The following LAMB4 variants were observed in gnomAD, a reference collection of about 807,000 sequenced individuals.
The protein encoded by LAMB4 is laminin subunit beta 4.
In LAMB4, 196 loss-of-function variants were observed where a neutral mutation model predicts 199.2. That is an observed-to-expected ratio of 0.98 (90% CI 0.88 to 1.11). The LOEUF (loss-of-function observed/expected upper bound fraction) is 1.11, where lower values mean the gene tolerates loss of function less well. Among genes scored for constraint, LAMB4 ranks in the 50% least tolerant of loss-of-function variants. The pLI is 0.00. For missense variants in LAMB4, 2,080 were observed against 2,171.2 expected, an observed-to-expected ratio of 0.96 and a Z score of 0.83; for synonymous variants, 744 against 770.6, an observed-to-expected ratio of 0.97 and a Z score of 0.57.
Position 108,078,240 on chromosome 7 carries a change from T to A in LAMB4, c.1964A>T (p.Gln655Leu), listed in dbSNP as rs2036781687. ...TAAGGCAAAAGACTGAGGCTTTGAC[T>A]GTAGAGTCTTGGGTATGCAGTGCTC... is the stretch of plus-strand genomic sequence containing the variant. ...GSEHCIPKTL[Q>L]SKPQSFALPA... The change falls in exon 16 of 34, where the codon CAG (glutamine) becomes CTG (leucine). Residue 655 changes from glutamine (Q) to leucine (L), a missense_variant. Transcript: ENST00000388781. The A allele has an allele frequency of 1.2e-6, 2 of 1,611,770 alleles. No homozygotes were observed. Among genetic ancestry groups the A allele is most frequent in the Non-Finnish European group, 1.7e-6 (2 of 1,179,094 alleles).
chr7:108,076,895 A>G, intron 17 of LAMB4, 49 bp downstream of exon 17: 1 of 1,596,064 alleles, frequency 6.3e-7, no homozygotes, highest in Non-Finnish European at 8.6e-7. Context: ...AGTAGTTATA[A>G]CGGTGCTTAG....
chr7:108,071,265 C>T (rs2036525532), intron 17 of LAMB4, among the ~76,000 whole-genome samples: 1 of 152,100 alleles, frequency 6.6e-6, no homozygotes, highest in Non-Finnish European at 1.5e-5. Flanking sequence ...GCCTCATCTG[C>T]CATTCACCCT....
chr7:108,081,228 T>C (rs2036924915), intron 14 of LAMB4, among the ~76,000 whole-genome samples: 1 of 152,228 alleles, frequency 6.6e-6, no homozygotes, highest in African/African-American at 2.4e-5. Context: ...TGTGTGTGGC[T>C]GCTGACAGCT....
chr7:108,025,389 T>TTTTCTTTCTTTCTTTC lies in LAMB4; in HGVS notation c.5147-1227_5147-1212dup, dbSNP rs60438956. ...TTCTTTCTTTCTTTCTTTTCTTTTC[T>TTTTCTTTCTTTCTTTC]TTTCTTTCTTTCTTTCTTTCTTTCT... is the stretch of plus-strand genomic sequence containing the variant. On this transcript the variant is annotated intron_variant, in intron 33 of 33. Transcript: ENST00000388781. Among the ~76,000 whole-genome samples, 227 of 91,196 alleles carry TTTTCTTTCTTTCTTTC rather than the reference T, an allele frequency of 2.5e-3. 3 individuals carry two copies. Among genetic ancestry groups the TTTTCTTTCTTTCTTTC allele is most frequent in the South Asian group, 4.7e-3 (18 of 3,806 alleles). The allele number at this position is 91,196 out of a possible 152,430, so 59.8% of individuals were successfully genotyped here.
At chr7:108,012,920 G>A in the LAMB4 span, among the ~76,000 whole-genome samples, 56 of 152,246 alleles carry the variant, frequency 3.7e-4, 1 homozygote, top group East Asian at 4.4e-3. Context: ...TCAACACCCC[G>A]CTCTGATGGC....
rs1464534507 is a variant in LAMB4, at chr7:108,055,504, G to GA, written c.3755+127dup. On this transcript the variant is annotated intron_variant, in intron 25 of 33. Coordinates refer to ENST00000388781, the MANE Select transcript of LAMB4 (RefSeq NM_007356.3). Reference sequence around the variant, plus strand: ...GCCCGGCCCAGCCTGGTTATTAACTGAACAACTATCAGTCCCCTAAAGTCA... The same window carrying GA: ...GCCCGGCCCAGCCTGGTTATTAACTGAAACAACTATCAGTCCCCTAAAGTCA... The GA allele has an allele frequency of 6.8e-6, 7 of 1,025,544 alleles. No individual in the cohort carries two copies. In the East Asian group the frequency reaches 1.2e-4, roughly 17 times the overall value. The allele number at this position is 1,025,544 out of a possible 1,614,324, so 63.5% of individuals were successfully genotyped here.
chr7:108,026,133 T>C (rs558318897), intron 33 of LAMB4, among the ~76,000 whole-genome samples: 16 of 152,278 alleles, frequency 1.1e-4, no homozygotes, highest in South Asian at 6.2e-4. Flanking sequence ...CCTTCAGGTG[T>C]AGAGAGGCTA....
intron 26 of LAMB4, 139 bp from the exon 27 acceptor site, chr7:108,049,670 A>C (rs1443675030): frequency 5.5e-6 from 3 of 543,462 alleles, no homozygotes; most frequent in Non-Finnish European, 9.7e-6. Flanking sequence ...ATCTTCCTTG[A>C]ATTTGCAATT....
At position 108,092,438 on chromosome 7, in the gene LAMB4, C is replaced by T. The variant is rs764831793; in HGVS notation, c.1471-22G>A. The stretch of plus-strand genomic sequence containing the variant: ...CAACCTACAGAGAAAAAATGCTCAG[C>T]TGATTCCAGCTATGAAGATGCTGTT... On this transcript the variant is annotated intron_variant, in intron 12 of 33. Coordinates refer to ENST00000388781, the MANE Select transcript of LAMB4 (RefSeq NM_007356.3). 5.7e-6 allele frequency: 9 copies of T among 1,574,836 alleles called. No homozygotes were observed. The Admixed American group carries it at 1.0e-4, about 18-fold the overall frequency.
intron 7 of LAMB4, 81 bp downstream of exon 7, chr7:108,106,428 A>T (rs543495971): frequency 1.1e-6 from 1 of 887,808 alleles, no homozygotes; most frequent in African/African-American, 1.7e-5. Flanking sequence ...AAGAAAAAAA[A>T]AAAAGAAAAG....
At chr7:108,074,289 TTTATTCATAC>T (rs1370131201) in intron 17 of LAMB4, among the ~76,000 whole-genome samples, 2 of 152,234 alleles carry the variant, frequency 1.3e-5, no homozygotes, top group Non-Finnish European at 2.9e-5. Flanking sequence ...TCTCTTAACT[TTTATTCATAC>T]TTCAGGTTTT....
intron 26 of LAMB4, among the ~76,000 whole-genome samples, chr7:108,049,772 G>A (rs192735402): frequency 1.2e-4 from 18 of 152,236 alleles, no homozygotes; most frequent in Admixed American, 1.2e-3. Context: ...TGTGAGTCCT[G>A]GCTTCACCCT....
rs934980525 is a variant in LAMB4, at chr7:108,031,869, T to A, written c.4819-890A>T. 4.6e-5 allele frequency among the ~76,000 whole-genome samples: 7 copies of A among 152,210 alleles called. No homozygotes were observed. The East Asian group carries it at 1.2e-3, about 25-fold the overall frequency. ...AATAACACTTTATGCTTGTTTCTTA[T>A]TTCAGTGACCATATTGATCATATCT... is the stretch of plus-strand genomic sequence containing the variant. On this transcript the variant is annotated intron_variant, in intron 31 of 33. Coordinates refer to ENST00000388781, the MANE Select transcript of LAMB4 (RefSeq NM_007356.3).
At chr7:108,059,081 G>A (rs957486981) in intron 23 of LAMB4, among the ~76,000 whole-genome samples, 3 of 148,178 alleles carry the variant, frequency 2.0e-5, no homozygotes, top group Non-Finnish European at 3.0e-5. Context: ...TTCTTATACC[G>A]AAGTACAATC....
the LAMB4 span, among the ~76,000 whole-genome samples, chr7:108,018,439 C>G: frequency 6.6e-6 from 1 of 152,138 alleles, no homozygotes; most frequent in South Asian, 2.1e-4. Flanking sequence ...GATCACAGCT[C>G]CTGTTAAGAG....
In LAMB4 at chr7:108,043,948, T is replaced by G. The variant is rs28461730; in HGVS notation, c.4327-52A>C. On this transcript the variant is annotated intron_variant, in intron 28 of 33. Coordinates refer to ENST00000388781, the MANE Select transcript of LAMB4 (RefSeq NM_007356.3). ...ATACTCGACAATATACTCAACAAAG[T>G]CATGTTCTTTGATGTTTAATTACTT... 30,017 of 1,488,756 alleles carry G rather than the reference T, an allele frequency of 0.02. 4,842 individuals are homozygous for G. In the African/African-American group the frequency reaches 0.37, roughly 18 times the overall value. 92.2% of individuals were successfully genotyped at this position (1,488,756 alleles called of 1,614,324 possible). A position where few individuals can be genotyped will look rare whatever the true frequency, so the allele number is the denominator to read the frequency against.
chr7:108,063,982 G>T lies in LAMB4; in HGVS notation c.2840C>A (p.Thr947Asn). The T allele has an allele frequency of 6.2e-7, 1 of 1,611,024 alleles. No homozygotes were observed. Among genetic ancestry groups the T allele is most frequent in the Non-Finnish European group, 8.5e-7 (1 of 1,177,196 alleles). The change falls in exon 22 of 34, where the codon ACT (threonine) becomes AAT (asparagine). Residue 947 changes from threonine to asparagine, a missense_variant. Transcript: ENST00000388781. The part of the protein sequence containing the change: ...ICNCLQGYTG[T>N]QCGECSTGFY... ...ACCAGTAGAGCATTCTCCACACTGA[G>T]TACCTGAAAGAAAGTGGGAGGAAAA...
intron 3 of LAMB4, 94 bp downstream of exon 3, chr7:108,115,910 C>T (rs2038388230): frequency 1.5e-6 from 2 of 1,318,618 alleles, no homozygotes; most frequent in Admixed American, 2.1e-5. Flanking sequence ...AGGAAGTTGT[C>T]TCCTTTAATG....
intron 29 of LAMB4, among the ~76,000 whole-genome samples, chr7:108,038,478 T>A (rs1431693657): frequency 6.6e-6 from 1 of 152,172 alleles, no homozygotes; most frequent in Non-Finnish European, 1.5e-5. Context: ...TTCAAATACA[T>A]CCATGCTCTA....
Sources: gnomAD v4.1 joint callset for allele counts (sites outside exome capture counted in the v4.1 genomes callset) on GRCh38, gnomAD v4.1.1 for gene constraint, MANE v1.5 for transcripts, NCBI Gene and HGNC (gene_info 2026-07-23, HGNC 2026-07-21) for gene names.